Variants in PAWR observed in about 807,000 individuals in gnomAD.
PAWR encodes the protein pro-apoptotic WT1 regulator, also known as PRKC apoptosis WT1 regulator protein.
Under a neutral mutation model 32.0 loss-of-function variants are expected in PAWR, and 23 were observed. The ratio of observed to expected loss-of-function variants is 0.72; its 90% CI spans 0.52 to 1.02. The LOEUF (loss-of-function observed/expected upper bound fraction) is 1.02. PAWR is among the 50% of genes least tolerant of loss of function. The pLI, the probability that PAWR is intolerant of heterozygous loss-of-function variation, is 0.00. For missense variants in PAWR, 457 were observed against 437.7 expected (o/e 1.04, Z -0.39); for synonymous variants, 226 against 187.1 (o/e 1.21, Z -1.70).
chr12:79,688,733 C>G (rs547249128), intron 2 of PAWR, among the ~76,000 whole-genome samples: 1 of 152,104 alleles, frequency 6.6e-6, no homozygotes, highest in East Asian at 1.9e-4. Flanking sequence ...CTACTTAAAC[C>G]ACAATTAAAG....
intron 2 of PAWR, among the ~76,000 whole-genome samples, chr12:79,642,663 C>G (rs1876381863): frequency 6.6e-6 from 1 of 152,132 alleles, no homozygotes; most frequent in South Asian, 2.1e-4. Context: ...CTTAAGGCCT[C>G]ATCTAACTTC....
chr12:79,673,247 T>A (rs1175811428), intron 2 of PAWR, among the ~76,000 whole-genome samples: 2 of 152,044 alleles, frequency 1.3e-5, no homozygotes, highest in Non-Finnish European at 2.9e-5. Flanking sequence ...TTTTTTGTAT[T>A]TTTAGTAGAG....
intron 2 of PAWR, among the ~76,000 whole-genome samples, chr12:79,648,617 T>TAAAAA (rs1170404778): frequency 2.8e-5 from 3 of 108,324 alleles, no homozygotes; most frequent in East Asian, 5.2e-4. Context: ...ACCCTGTCTC[T>TAAAAA]AAAAAAAAAA....
chr12:79,646,432 A>G (rs1457240816), intron 2 of PAWR, among the ~76,000 whole-genome samples: 1 of 152,204 alleles, frequency 6.6e-6, no homozygotes, highest in Non-Finnish European at 1.5e-5. Context: ...TTGAGAAATA[A>G]GGAGTGAAAG....
At chr12:79,651,176 A>T (rs914724382) in intron 2 of PAWR, among the ~76,000 whole-genome samples, 15 of 152,210 alleles carry the variant, frequency 9.9e-5, no homozygotes, top group South Asian at 2.1e-4. Flanking sequence ...ATAATCACAT[A>T]AATAAAAATT....
At chr12:79,688,626 G>T (rs987946179) in intron 2 of PAWR, among the ~76,000 whole-genome samples, 1 of 152,032 alleles carries the variant, frequency 6.6e-6, no homozygotes, top group Non-Finnish European at 1.5e-5. Flanking sequence ...ATATAAATAC[G>T]TCCTACAAAG....
At chr12:79,690,756 A>T (rs1010370856) in intron 1 of PAWR, 116 bp downstream of exon 1, 1 of 152,524 alleles carries the variant, frequency 6.6e-6, no homozygotes, top group Admixed American at 6.5e-5. Context: ...GGTCCCCGTC[A>T]GCTACAACCC....
At position 79,689,739 on chromosome 12, in the gene PAWR, G is replaced by A; in HGVS notation, c.506C>T (p.Pro169Leu). The change falls in exon 2 of 7, where the codon CCT (proline) becomes CTT (leucine). Residue 169 changes from proline (P) to leucine (L), a missense_variant. Physicochemically the swap from Pro to Leu is moderately conservative, Grantham distance 98 (BLOSUM62 -3). Transcript: ENST00000328827. The stretch of plus-strand genomic sequence containing the variant: ...CCCCGCCCGGCTCACCTCTGCGGCA[G>A]GGATGTTGACCACGCCGGTGGAGCG... ...KRRSTGVVNI[P>L]AAECLDEYED... 1 of 1,563,106 alleles carries A rather than the reference G, an allele frequency of 6.4e-7. No individual in the cohort carries two copies. Among genetic ancestry groups the A allele is most frequent in the Non-Finnish European group, 8.6e-7 (1 of 1,157,684 alleles).
At chr12:79,685,039 C>T (rs762696794) in intron 2 of PAWR, among the ~76,000 whole-genome samples, 1 of 152,218 alleles carries the variant, frequency 6.6e-6, no homozygotes, top group East Asian at 1.9e-4. Context: ...GTGCTTAGAA[C>T]AGTGCCTGGC....
At chr12:79,663,701 A>AGT (rs965145650) in intron 2 of PAWR, among the ~76,000 whole-genome samples, 9 of 152,120 alleles carry the variant, frequency 5.9e-5, no homozygotes, top group African/African-American at 1.9e-4. Flanking sequence ...TGGAGATTGC[A>AGT]GTGAGCCATG....
intron 3 of PAWR, among the ~76,000 whole-genome samples, chr12:79,616,768 T>C (rs183164040): frequency 1.3e-3 from 191 of 152,290 alleles, no homozygotes; most frequent in Non-Finnish European, 1.3e-3. Context: ...CAGTAAGTTT[T>C]ACACAGTATT....
Position 79,690,232 on chromosome 12 carries a change from C to T in PAWR, c.13G>A (p.Gly5Ser). Residue 5 changes from glycine to serine, a missense_variant, in exon 2 of 7, where the codon GGC becomes AGC. By Grantham distance (56) the Gly-to-Ser change is moderately conservative (BLOSUM62 0). Coordinates refer to ENST00000328827, the MANE Select transcript of PAWR (RefSeq NM_002583.4). ...CCGAGGCCGCTGCTGGTCCGGTAGC[C>T]ACCGGTCGCCATATTCCCAAAGGGG... MATG[G>S]YRTSSGLGGS... is the part of the protein sequence containing the mutation. The T allele has an allele frequency of 6.6e-7, 1 of 1,515,030 alleles. No homozygotes were observed. The allele number at this position is 1,515,030 out of a possible 1,614,324, so 93.8% of individuals were successfully genotyped here.
intron 2 of PAWR, among the ~76,000 whole-genome samples, chr12:79,676,502 C>A (rs990647122): frequency 1.3e-5 from 2 of 152,124 alleles, no homozygotes; most frequent in Admixed American, 6.5e-5. Context: ...TAATTTCACA[C>A]ACAGTATCTT....
intron 2 of PAWR, among the ~76,000 whole-genome samples, chr12:79,684,292 TA>T (rs35293122): frequency 0.014 from 2,046 of 149,048 alleles, 46 homozygotes; most frequent in African/African-American, 0.043. Context: ...TCATAGGTGC[TA>T]AAAAAAAAAT....
intron 4 of PAWR, among the ~76,000 whole-genome samples, chr12:79,606,230 G>C (rs976050071): frequency 1.3e-5 from 2 of 152,196 alleles, no homozygotes; most frequent in African/African-American, 4.8e-5. Context: ...TGAACGGTAT[G>C]AAGTTTCCTT....
rs557928107 is a variant in PAWR at position 79,595,857 on chromosome 12, CTAAA to C, written c.831+650_831+653del. On this transcript the variant is annotated intron_variant, in intron 5 of 6. Transcript: ENST00000328827. ...ACAAGAGCGAAACTCTGTCTCAAAA[CTAAA>C]TAAATAAATAAAAATAAATAAAACT... Among the ~76,000 whole-genome samples, 351 of 151,698 alleles carry C rather than the reference CTAAA, an allele frequency of 2.3e-3. 1 individual carries two copies. The highest frequency in any genetic ancestry group is 3.9e-3 in the Non-Finnish European group (267 of 67,904).
intron 2 of PAWR, among the ~76,000 whole-genome samples, chr12:79,642,676 T>C (rs2136777354): frequency 6.6e-6 from 1 of 152,282 alleles, no homozygotes; most frequent in South Asian, 2.1e-4. Context: ...CTAACTTCAA[T>C]TACCTACTTA....
At chr12:79,616,180 C>T (rs11837953) in intron 3 of PAWR, among the ~76,000 whole-genome samples, 6 of 151,902 alleles carry the variant, frequency 3.9e-5, no homozygotes, top group South Asian at 2.1e-4. Context: ...TAAACTAAGG[C>T]GTATGATGTC....
At chr12:79,657,035 C>T (rs1348182515) in intron 2 of PAWR, among the ~76,000 whole-genome samples, 7 of 152,074 alleles carry the variant, frequency 4.6e-5, no homozygotes, top group African/African-American at 7.2e-5. Flanking sequence ...ATCTTACGCA[C>T]ATGAGGAAAT....
Sources: gnomAD v4.1 joint callset for allele counts (sites outside exome capture counted in the v4.1 genomes callset) on GRCh38, gnomAD v4.1.1 for gene constraint, MANE v1.5 for transcripts, NCBI Gene and HGNC (gene_info 2026-07-23, HGNC 2026-07-21) for gene names.